Variants in MOXD1 observed in about 807,000 individuals in gnomAD.
MOXD1 encodes the protein DBH-like monooxygenase protein 1.
A neutral mutation model predicts 66.6 loss-of-function variants in MOXD1; 62 were observed. The observed-to-expected ratio is 0.93, with a 90% CI of 0.76 to 1.15. The LOEUF (loss-of-function observed/expected upper bound fraction) is 1.15. Ranked by LOEUF, MOXD1 falls within the 50% of genes most tolerant of loss-of-function variation. The pLI is 0.00. For missense variants in MOXD1, 847 were observed against 754.6 expected (o/e 1.12, Z -1.44); for synonymous variants, 303 against 281.9 (o/e 1.07, Z -0.75).
At chr6:132,388,764 T>C (rs539955331) in intron 1 of MOXD1, among the ~76,000 whole-genome samples, 3 of 151,470 alleles carry the variant, frequency 2.0e-5, no homozygotes, top group South Asian at 2.1e-4. Flanking sequence ...TTCTCTTGGC[T>C]TAAATACAAG....
chr6:132,342,797 T>C (rs1775591261), intron 4 of MOXD1, among the ~76,000 whole-genome samples: 1 of 152,244 alleles, frequency 6.6e-6, no homozygotes, highest in Non-Finnish European at 1.5e-5. Context: ...AGAGAACTTT[T>C]CCAATAGTTT....
chr6:132,349,438 T>TAC (rs1775749362), intron 4 of MOXD1, among the ~76,000 whole-genome samples: 1 of 14,688 alleles, frequency 6.8e-5, no homozygotes, highest in African/African-American at 4.3e-4. Flanking sequence ...TATATATACA[T>TAC]ATATATATAT....
intron 1 of MOXD1, among the ~76,000 whole-genome samples, chr6:132,392,833 C>T (rs770467727): frequency 4.6e-5 from 7 of 152,162 alleles, no homozygotes; most frequent in African/African-American, 1.2e-4. Flanking sequence ...ATCCTCTTTG[C>T]GGAAATATCT....
chr6:132,348,165 G>A (rs1285055885), intron 4 of MOXD1, among the ~76,000 whole-genome samples: 1 of 152,210 alleles, frequency 6.6e-6, no homozygotes, highest in Non-Finnish European at 1.5e-5. Context: ...GCATAAGAAA[G>A]TATTTTCCTA....
chr6:132,345,049 C>A (rs1775643636), intron 4 of MOXD1, among the ~76,000 whole-genome samples: 1 of 152,170 alleles, frequency 6.6e-6, no homozygotes, highest in Non-Finnish European at 1.5e-5. Flanking sequence ...AACCCAGGGG[C>A]CACGGTCCAG....
chr6:132,312,070 A>T (rs756007239), intron 10 of MOXD1, among the ~76,000 whole-genome samples: 13 of 151,956 alleles, frequency 8.6e-5, no homozygotes, highest in Non-Finnish European at 1.8e-4. Flanking sequence ...GGGAATACAC[A>T]ATTTATCTAA....
chr6:132,362,703 A>G (rs2114644067), intron 4 of MOXD1, among the ~76,000 whole-genome samples: 1 of 152,302 alleles, frequency 6.6e-6, no homozygotes, highest in South Asian at 2.1e-4. Flanking sequence ...TCCAAAGAAG[A>G]TCTTAGCTCA....
In MOXD1 at chr6:132,351,886, C is replaced by A. The variant is rs750604775; in HGVS notation, c.663+20722G>T. ...GAGTTGTATTTTTCCAGAAATTTAT[C>A]CATCTCTTCTAGGTTTTCTAGTTTA... On this transcript the variant is annotated intron_variant, in intron 4 of 11. Transcript: ENST00000367963. Among the ~76,000 whole-genome samples the A allele has an allele frequency of 4.5e-4, 68 of 152,144 alleles. 1 individual carries two copies. Among genetic ancestry groups the A allele is most frequent in the Non-Finnish European group, 1.5e-4 (10 of 68,008 alleles).
At chr6:132,346,368 T>C (rs189246745) in intron 4 of MOXD1, among the ~76,000 whole-genome samples, 1 of 152,326 alleles carries the variant, frequency 6.6e-6, no homozygotes, top group Admixed American at 6.5e-5. Flanking sequence ...ATTTTAGCAC[T>C]TATTCATCAT....
At chr6:132,309,046 A>G (rs1453266966) in intron 10 of MOXD1, among the ~76,000 whole-genome samples, 2 of 152,196 alleles carry the variant, frequency 1.3e-5, no homozygotes, top group East Asian at 3.9e-4. Flanking sequence ...AAAGAAACAA[A>G]GAGTATTTAA....
At chr6:132,359,374 A>C (rs955908424) in intron 4 of MOXD1, among the ~76,000 whole-genome samples, 85 of 152,146 alleles carry the variant, frequency 5.6e-4, no homozygotes, top group African/African-American at 1.9e-3. Context: ...GCATCTGCCT[A>C]GCTTCACTTT....
At position 132,315,584 on chromosome 6, in the gene MOXD1, C is replaced by T. The variant is rs758730709; in HGVS notation, c.1508+51G>A. 3.9e-6 allele frequency: 6 copies of T among 1,543,538 alleles called. No individual in the cohort carries two copies. The Admixed American group carries it at 1.0e-4, about 26-fold the overall frequency. On this transcript the variant is annotated intron_variant, in intron 10 of 11. Transcript: ENST00000367963. ...ATGGATCCAGTATGACAATAAAGCC[C>T]ATCTTTCTCTGAAATACGTTACCCC...
At chr6:132,335,326 C>T (rs1012782691) in intron 4 of MOXD1, among the ~76,000 whole-genome samples, 4 of 151,536 alleles carry the variant, frequency 2.6e-5, no homozygotes, top group African/African-American at 9.7e-5. Context: ...AACAGCGTCT[C>T]CTGAAAATTC....
intron 4 of MOXD1, among the ~76,000 whole-genome samples, chr6:132,356,696 ATG>A (rs1165131072): frequency 7.2e-5 from 11 of 152,256 alleles, no homozygotes; most frequent in Middle Eastern, 3.4e-3. Flanking sequence ...ATTAAAAATA[ATG>A]TGTTATAATA....
rs1776020334 is a variant in MOXD1 at position 132,361,623 on chromosome 6, CACTTGGGGA to C, written c.663+10976_663+10984del. On this transcript the variant is annotated intron_variant, in intron 4 of 11. Coordinates refer to ENST00000367963, the MANE Select transcript of MOXD1 (RefSeq NM_015529.4). ...TCAAACAGAGGGTTTATATCAGAGTCACTTGGGGAACTTTTCCCAAAACACAGCAACAAC... is the reference window on the plus strand; with the variant it reads ...TCAAACAGAGGGTTTATATCAGAGTCACTTTTCCCAAAACACAGCAACAAC... Among the ~76,000 whole-genome samples the C allele has an allele frequency of 2.0e-5, 3 of 152,210 alleles. No homozygotes were observed. In the South Asian group the frequency reaches 6.2e-4, roughly 32 times the overall value.
intron 1 of MOXD1, among the ~76,000 whole-genome samples, chr6:132,386,943 C>G (rs1776662022): frequency 6.6e-6 from 1 of 151,306 alleles, no homozygotes; most frequent in South Asian, 2.1e-4. Context: ...CTGAGCAAGA[C>G]TGTACACTAC....
intron 4 of MOXD1, among the ~76,000 whole-genome samples, chr6:132,364,899 G>A (rs1276004250): frequency 1.3e-5 from 2 of 152,126 alleles, no homozygotes; most frequent in Non-Finnish European, 2.9e-5. Flanking sequence ...GTAGGCTGAG[G>A]AGCCAAGATT....
At chr6:132,313,137 C>A (rs1774867387) in intron 10 of MOXD1, among the ~76,000 whole-genome samples, 1 of 151,966 alleles carries the variant, frequency 6.6e-6, no homozygotes, top group Non-Finnish European at 1.5e-5. Flanking sequence ...CCTATATGTG[C>A]ATGTTGTATG....
intron 1 of MOXD1, among the ~76,000 whole-genome samples, chr6:132,394,463 T>C (rs1302690937): frequency 6.6e-6 from 1 of 151,900 alleles, no homozygotes; most frequent in East Asian, 1.9e-4. Context: ...CAGATTCTCA[T>C]CAAAAAGAAA....
Sources: gnomAD v4.1 joint callset for allele counts (sites outside exome capture counted in the v4.1 genomes callset) on GRCh38, gnomAD v4.1.1 for gene constraint, MANE v1.5 for transcripts, NCBI Gene and HGNC (gene_info 2026-07-23, HGNC 2026-07-21) for gene names.